The following REC114 variants were observed in gnomAD, a reference collection of about 807,000 sequenced individuals.
The protein encoded by REC114 is meiotic recombination protein REC114.
A neutral mutation model predicts 31.3 loss-of-function variants in REC114; 27 were observed. The ratio of observed to expected loss-of-function variants is 0.86; its 90% CI spans 0.64 to 1.19. REC114 has a LOEUF of 1.19. REC114 is among the 50% of genes most tolerant of loss of function. The probability of loss-of-function intolerance (pLI) is 0.00; values close to 1 mark genes in which losing one functional copy is unlikely to be tolerated. For missense variants in REC114, 344 were observed against 326.9 expected (o/e 1.05, Z -0.40); for synonymous variants, 134 against 127.7 (o/e 1.05, Z -0.33).
intron 1 of REC114, among the ~76,000 whole-genome samples, chr15:73,467,923 C>G (rs557154968): frequency 6.6e-6 from 1 of 151,394 alleles, no homozygotes; most frequent in Non-Finnish European, 1.5e-5. Flanking sequence ...TTCTCTAACA[C>G]GTAGAGGTTG....
At chr15:73,473,164 C>T (rs897375897) in intron 1 of REC114, among the ~76,000 whole-genome samples, 1 of 151,990 alleles carries the variant, frequency 6.6e-6, no homozygotes, top group East Asian at 1.9e-4. Flanking sequence ...CTGAGGTGGG[C>T]AGATACTTGA....
intron 2 of REC114, among the ~76,000 whole-genome samples, chr15:73,478,263 CAAAA>C (rs57210193): frequency 4.5e-4 from 18 of 40,330 alleles, no homozygotes; most frequent in South Asian, 1.1e-3. Context: ...GACTCTGTCT[CAAAA>C]AAAAAAAAAA....
At chr15:73,509,754 G>A (rs1200056376) in intron 2 of REC114, among the ~76,000 whole-genome samples, 14 of 149,498 alleles carry the variant, frequency 9.4e-5, no homozygotes, top group South Asian at 4.3e-4. Flanking sequence ...ATAGTTGTAG[G>A]TATGCGGCGT....
intron 2 of REC114, among the ~76,000 whole-genome samples, chr15:73,529,270 T>C (rs572314216): frequency 6.6e-6 from 1 of 152,134 alleles, no homozygotes; most frequent in Admixed American, 6.5e-5. Context: ...CCTGAGTAGC[T>C]GGGACTACAG....
In REC114 at chr15:73,494,510, T is replaced by A. The variant is rs550430313; in HGVS notation, c.249+20589T>A. On this transcript the variant is annotated intron_variant, in intron 2 of 5. Coordinates refer to ENST00000331090, the MANE Select transcript of REC114 (RefSeq NM_001042367.2). ...CTGTCTCAAAAAAAAAAAAAAAAAA[T>A]TGAAGATATTTTCTTACCTCAAAGT... 3.3e-5 allele frequency among the ~76,000 whole-genome samples: 5 copies of A among 149,600 alleles called. No individual in the cohort carries two copies. The East Asian group carries it at 5.9e-4, about 18-fold the overall frequency.
chr15:73,457,065 C>CTTT (rs934090597), intron 1 of REC114, among the ~76,000 whole-genome samples: 38 of 67,992 alleles, frequency 5.6e-4, no homozygotes, highest in Non-Finnish European at 7.7e-4. Flanking sequence ...TATTTCTGAG[C>CTTT]TTTTTTTTTT....
intron 2 of REC114, among the ~76,000 whole-genome samples, chr15:73,531,903 T>C (rs933469785): frequency 2.6e-5 from 4 of 152,080 alleles, no homozygotes; most frequent in Non-Finnish European, 5.9e-5. Flanking sequence ...CACATTACTC[T>C]GTCCTGGACA....
intron 1 of REC114, among the ~76,000 whole-genome samples, chr15:73,464,002 C>G (rs1893024110): frequency 6.6e-6 from 1 of 152,074 alleles, no homozygotes; most frequent in Non-Finnish European, 1.5e-5. Flanking sequence ...TATCTTCAGT[C>G]TCACTTCTTT....
At chr15:73,481,169 T>A (rs7163826) in intron 2 of REC114, among the ~76,000 whole-genome samples, 3,060 of 152,282 alleles carry the variant, frequency 0.02, 127 homozygotes, top group African/African-American at 0.07. Flanking sequence ...GTGTGTGATA[T>A]GTTTATGTAA....
intron 3 of REC114, among the ~76,000 whole-genome samples, chr15:73,544,333 G>A (rs1894280706): frequency 6.6e-6 from 1 of 151,938 alleles, no homozygotes; most frequent in Non-Finnish European, 1.5e-5. Context: ...GATGCATCTT[G>A]GCTTGGATAA....
In REC114 at chr15:73,524,988, C is replaced by G. The variant is rs541635037; in HGVS notation, c.250-15497C>G. ...AAGAACTGCAACAGATGAAACATGGCTTTACCAGTATGATCCTAAAGACAA... is the reference window on the plus strand; with the variant it reads ...AAGAACTGCAACAGATGAAACATGGGTTTACCAGTATGATCCTAAAGACAA... On this transcript the variant is annotated intron_variant, in intron 2 of 5. Coordinates refer to ENST00000331090, the MANE Select transcript of REC114 (RefSeq NM_001042367.2). 2.0e-5 allele frequency among the ~76,000 whole-genome samples: 3 copies of G among 152,316 alleles called. No individual in the cohort carries two copies. The South Asian group carries it at 6.2e-4, about 32-fold the overall frequency.
chr15:73,559,317 C>G (rs535144709), intron 5 of REC114, among the ~76,000 whole-genome samples: 1 of 152,312 alleles, frequency 6.6e-6, no homozygotes, highest in South Asian at 2.1e-4. Flanking sequence ...TTCTTACATT[C>G]AGAATGCAGC....
At chr15:73,462,392 A>C (rs1006285936) in intron 1 of REC114, among the ~76,000 whole-genome samples, 1 of 152,146 alleles carries the variant, frequency 6.6e-6, no homozygotes, top group Non-Finnish European at 1.5e-5. Context: ...GTCTCGGTAG[A>C]ATTAGGACAT....
intron 1 of REC114, among the ~76,000 whole-genome samples, chr15:73,446,853 G>A (rs1892770832): frequency 6.6e-6 from 1 of 152,158 alleles, no homozygotes; most frequent in Non-Finnish European, 1.5e-5. Context: ...TTAAGCAGAG[G>A]CATTTTCATC....
chr15:73,443,617 A>G (rs1429658161), intron 1 of REC114, among the ~76,000 whole-genome samples: 2 of 152,228 alleles, frequency 1.3e-5, no homozygotes, highest in Admixed American at 6.5e-5. Flanking sequence ...AGCGTCAAGT[A>G]TGTGCTAGAC....
At chr15:73,481,967 C>T (rs1363424731) in intron 2 of REC114, among the ~76,000 whole-genome samples, 3 of 152,044 alleles carry the variant, frequency 2.0e-5, no homozygotes. Context: ...CCTATCTTAA[C>T]CATTTTTAAG....
At chr15:73,457,065 C>CTTTTT (rs934090597) in intron 1 of REC114, among the ~76,000 whole-genome samples, 25 of 68,002 alleles carry the variant, frequency 3.7e-4, no homozygotes, top group African/African-American at 9.9e-4. Context: ...TATTTCTGAG[C>CTTTTT]TTTTTTTTTT....
At chr15:73,546,812 C>A (rs1242969732) in intron 3 of REC114, among the ~76,000 whole-genome samples, 1 of 111,126 alleles carries the variant, frequency 9.0e-6, no homozygotes. Context: ...AAAACTCTGT[C>A]TCAGGAAAAA....
intron 2 of REC114, among the ~76,000 whole-genome samples, chr15:73,478,871 A>G (rs1033263235): frequency 5.9e-5 from 9 of 152,210 alleles, no homozygotes; most frequent in Admixed American, 1.3e-4. Context: ...GCTGATGTTT[A>G]GAAACATAAT....
Sources: gnomAD v4.1 joint callset for allele counts (sites outside exome capture counted in the v4.1 genomes callset) on GRCh38, gnomAD v4.1.1 for gene constraint, MANE v1.5 for transcripts, NCBI Gene and HGNC (gene_info 2026-07-23, HGNC 2026-07-21) for gene names.